LRP1: variants seen among roughly 807,000 people sequenced by gnomAD.
LRP1 encodes the protein LDL receptor related protein 1.
A neutral mutation model predicts 541.5 loss-of-function variants in LRP1; 51 were observed. That is an observed-to-expected ratio of 0.09 (90% CI 0.08 to 0.12). The LOEUF (loss-of-function observed/expected upper bound fraction) is 0.12, where lower values mean the gene tolerates loss of function less well. Ranked by LOEUF, LRP1 falls within the 10% of genes least tolerant of loss-of-function variation. The probability of loss-of-function intolerance (pLI) is 1.00; values close to 1 mark genes in which losing one functional copy is unlikely to be tolerated. For missense variants in LRP1, 3,878 were observed against 6,376.2 expected, an observed-to-expected ratio of 0.61 and a Z score of 13.34; for synonymous variants, 2,219 against 2,470.8, an observed-to-expected ratio of 0.90 and a Z score of 3.02.
intron 8 of LRP1, chr12:57,155,031 G>A (rs1359645688): frequency 3.5e-6 from 2 of 564,592 alleles, no homozygotes; most frequent in African/African-American, 3.7e-5. Flanking sequence ...AAGAGGTTAG[G>A]TGATTTGCCT....
At chr12:57,161,770 G>T (rs1403636307) in intron 13 of LRP1, among the ~76,000 whole-genome samples, 1 of 151,460 alleles carries the variant, frequency 6.6e-6, no homozygotes, top group Non-Finnish European at 1.5e-5. Flanking sequence ...AGACTGCTCA[G>T]GGGCTACCTC....
chr12:57,179,711 G>T lies in LRP1; in HGVS notation c.4967-71G>T. On this transcript the variant is annotated intron_variant, in intron 29 of 88. Coordinates refer to ENST00000243077, the MANE Select transcript of LRP1 (RefSeq NM_002332.3). The surrounding 1 kb of genome is among the most constrained non-coding windows in gnomAD (Gnocchi z 6.8). ...TTTCCTGATCCCTTTTCTCCAGAAG[G>T]CACACTGGCTCCCCTCCTGACCCAC... 1.3e-6 allele frequency: 2 copies of T among 1,490,004 alleles called. No individual in the cohort carries two copies. The highest frequency in any genetic ancestry group is 1.2e-5 in the South Asian group (1 of 83,630). 92.3% of individuals were successfully genotyped at this position (1,490,004 alleles called of 1,614,324 possible).
At position 57,211,454 on chromosome 12, in the gene LRP1, G is replaced by T. The variant is rs779901734; in HGVS notation, c.13092-33G>T. 3 of 1,610,504 alleles carry T rather than the reference G, an allele frequency of 1.9e-6. No individual in the cohort carries two copies. Among genetic ancestry groups the T allele is most frequent in the South Asian group, 2.2e-5 (2 of 91,024 alleles). On this transcript the variant is annotated intron_variant, in intron 84 of 88. Coordinates refer to ENST00000243077, the MANE Select transcript of LRP1 (RefSeq NM_002332.3). This position sits in a 1 kb window ranked among gnomAD's most constrained non-coding sequence, Gnocchi z 4.3. ...CAGCATCCCAGGCACGCCTCTGCCA[G>T]CCCCAGCCCCAGCCTCTGATTCCTT...
At chr12:57,142,080 G>A (rs560083123) in intron 3 of LRP1, among the ~76,000 whole-genome samples, 1 of 152,238 alleles carries the variant, frequency 6.6e-6, no homozygotes, top group Admixed American at 6.5e-5. Flanking sequence ...GCCGAGGTGG[G>A]AACATTAGGA....
In LRP1 at chr12:57,194,479, T is replaced by C; in HGVS notation, c.8044T>C (p.Tyr2682His). The C allele has an allele frequency of 6.3e-7, 1 of 1,597,848 alleles. No individual in the cohort carries two copies. Among genetic ancestry groups the C allele is most frequent in the Non-Finnish European group, 8.5e-7 (1 of 1,172,246 alleles). ...TGATGGCGCCAATGACTGTGGGGACTACAGTGATGAGCGCGACTGCCCAGG... is the reference window on the plus strand; with the variant it reads ...TGATGGCGCCAATGACTGTGGGGACCACAGTGATGAGCGCGACTGCCCAGG... ...VCDGANDCGD[Y>H]SDERDCPGVK... The change falls in exon 49 of 89, where the codon TAC (tyrosine) becomes CAC (histidine). Residue 2682 changes from tyrosine to histidine, a missense_variant. Around this residue, in one of 13 missense-constraint regions of LRP1, gnomAD observed 1,100 missense variants for 1,827.4 expected, o/e 0.60. Coordinates refer to ENST00000243077, the MANE Select transcript of LRP1 (RefSeq NM_002332.3).
chr12:57,191,409 G>A lies in LRP1; in HGVS notation c.7326G>A (p.Val2442=). The change falls in exon 44 of 89, where the codon GTG becomes GTA. Residue 2442 remains valine (V), a synonymous_variant. Coordinates refer to ENST00000243077, the MANE Select transcript of LRP1 (RefSeq NM_002332.3). ...IFWTDWVRRA[V]QRANKHVGSN... is the part of the protein sequence containing the mutation. ...GGACTGACTGGGTGCGGCGGGCAGT[G>A]CAGCGGGCCAACAAGCACGTGGGCA... 6.2e-7 allele frequency: 1 copy of A among 1,613,424 alleles called. No homozygotes were observed. Among genetic ancestry groups the A allele is most frequent in the Non-Finnish European group, 8.5e-7 (1 of 1,179,570 alleles).
rs574238888 is a variant in LRP1, at chr12:57,166,945, C to G, written c.2813C>G (p.Pro938Arg). 14 of 1,613,456 alleles carry G rather than the reference C, an allele frequency of 8.7e-6. No homozygotes were observed. Among genetic ancestry groups the G allele is most frequent in the South Asian group, 1.1e-5 (1 of 91,068 alleles). ...NATCSARTCP[P>R]NQFSCASGRC... Reference sequence around the variant, plus strand: ...TGCCCCCCAGCCCGCACCTGCCCCCCCAACCAGTTCTCCTGTGCCAGTGGC... The same window carrying G: ...TGCCCCCCAGCCCGCACCTGCCCCCGCAACCAGTTCTCCTGTGCCAGTGGC... Residue 938 changes from proline to arginine, a missense_variant, in exon 18 of 89, where the codon CCC (proline) becomes CGC (arginine). Physicochemically the swap from Pro to Arg is moderately radical, Grantham distance 103. Around this residue, in one of 13 missense-constraint regions of LRP1, gnomAD observed 29 missense variants for 20.7 expected, o/e 1.40. Coordinates refer to ENST00000243077, the MANE Select transcript of LRP1 (RefSeq NM_002332.3).
Position 57,162,180 on chromosome 12 carries a change from TG to T in LRP1, c.2203-133del. The T allele has an allele frequency of 1.3e-6, 1 of 756,180 alleles. No homozygotes were observed. Among genetic ancestry groups the T allele is most frequent in the Non-Finnish European group, 2.3e-6 (1 of 434,818 alleles). The allele number at this position is 756,180 out of a possible 1,614,324, so 46.8% of individuals were successfully genotyped here. On this transcript the variant is annotated intron_variant, in intron 13 of 88. Coordinates refer to ENST00000243077, the MANE Select transcript of LRP1 (RefSeq NM_002332.3). The surrounding 1 kb of genome is among the most constrained non-coding windows in gnomAD (Gnocchi z 5.2). ...CACTGTGTGCAAAACTATCACTCTC[TG>T]GGGCTCCCAGGCTAATGGGGGAAAC...
rs1140648 is a variant in LRP1 at position 57,199,318 on chromosome 12, G to C, written c.9783G>C (p.Thr3261=). The C allele has an allele frequency of 1.2e-6, 2 of 1,613,374 alleles. No individual in the cohort carries two copies. The highest frequency in any genetic ancestry group is 1.3e-5 in the African/African-American group (1 of 74,870). The change falls in exon 61 of 89, where the codon ACG becomes ACC. Residue 3261 remains threonine (T), a synonymous_variant. Coordinates refer to ENST00000243077, the MANE Select transcript of LRP1 (RefSeq NM_002332.3). ...CCATTAACCGAGCCCACAAGACCACGGGCACCAACAAAACGCTCCTCATCA... is the reference window on the plus strand; with the variant it reads ...CCATTAACCGAGCCCACAAGACCACCGGCACCAACAAAACGCTCCTCATCA... The part of the protein sequence containing the change: ...TKSINRAHKT[T]GTNKTLLIST...
At chr12:57,194,170 C>T (rs1343931341) in intron 48 of LRP1, among the ~76,000 whole-genome samples, 158 bp downstream of exon 48, 4 of 152,224 alleles carry the variant, frequency 2.6e-5, no homozygotes, top group Admixed American at 6.5e-5. Context: ...CCATCCCGCT[C>T]CTGCTCCTGG....
intron 19 of LRP1, among the ~76,000 whole-genome samples, chr12:57,168,670 C>T (rs987173045): frequency 6.6e-6 from 1 of 152,114 alleles, no homozygotes; most frequent in African/African-American, 2.4e-5. Context: ...TCTTGCCAGC[C>T]ACAGGCAGGG....
Position 57,185,331 on chromosome 12 carries a change from G to A in LRP1, c.6463+126G>A, listed in dbSNP as rs956230556. ...TAGACCCATGGGGCAACTTCCGATG[G>A]CCCGAGAGACCCAGGGATGGGGAGG... is the stretch of plus-strand genomic sequence containing the variant. On this transcript the variant is annotated intron_variant, in intron 40 of 88. Transcript: ENST00000243077. The surrounding 1 kb of genome is among the most constrained non-coding windows in gnomAD (Gnocchi z 4.9). 11 of 1,422,048 alleles carry A rather than the reference G, an allele frequency of 7.7e-6. No homozygotes were observed. The highest frequency in any genetic ancestry group is 4.0e-5 in the South Asian group (3 of 74,500). 88.1% of individuals were successfully genotyped at this position (1,422,048 alleles called of 1,614,324 possible).
In LRP1 at chr12:57,187,240, C is replaced by T. The variant is rs376485801; in HGVS notation, c.6842-27C>T. ...CAGGCTGCCCTCTGGGCCCTCCTGA[C>T]AAATCGCTGCTCCTGTCTCTTCACA... On this transcript the variant is annotated intron_variant, in intron 41 of 88. Transcript: ENST00000243077. The T allele has an allele frequency of 3.8e-6, 6 of 1,598,108 alleles. No homozygotes were observed. The East Asian group carries it at 8.9e-5, about 24-fold the overall frequency.
chr12:57,171,508 C>T (rs886655467), intron 20 of LRP1, among the ~76,000 whole-genome samples: 1 of 152,110 alleles, frequency 6.6e-6, no homozygotes, highest in African/African-American at 2.4e-5. Flanking sequence ...ATGAGGCTGT[C>T]CTCAAAGGGG....
In LRP1 at chr12:57,173,091, G is replaced by C. The variant is rs1486864167; in HGVS notation, c.3164-77G>C. ...CATATCCCCAGGCTGGGCTTACCGG[G>C]GTGGCAGGGCACAGGGATGAGGAGG... On this transcript the variant is annotated intron_variant, in intron 20 of 88. Transcript: ENST00000243077. This position sits in a 1 kb window ranked among gnomAD's most constrained non-coding sequence, Gnocchi z 4.7. The C allele has an allele frequency of 7.9e-7, 1 of 1,268,034 alleles. No individual in the cohort carries two copies. The highest frequency in any genetic ancestry group is 1.1e-6 in the Non-Finnish European group (1 of 916,738). The allele number at this position is 1,268,034 out of a possible 1,614,324, so 78.5% of individuals were successfully genotyped here. A position where few individuals can be genotyped will look rare whatever the true frequency, so the allele number is the denominator to read the frequency against.
intron 31 of LRP1, 44 bp downstream of exon 31, chr12:57,180,185 T>C: frequency 1.3e-6 from 2 of 1,593,594 alleles, no homozygotes; most frequent in Non-Finnish European, 1.7e-6. Context: ...CCCTAATTCC[T>C]TGACCAGCAG....
Position 57,154,949 on chromosome 12 carries a change from C to G in LRP1, c.1227+248C>G. The stretch of plus-strand genomic sequence containing the variant: ...TTTACTTCCTGTTTCTCATTTGACC[C>G]TTATAATAACCCCTAGCTGATGAAC... On this transcript the variant is annotated intron_variant, in intron 8 of 88. Coordinates refer to ENST00000243077, the MANE Select transcript of LRP1 (RefSeq NM_002332.3). This position sits in a 1 kb window ranked among gnomAD's most constrained non-coding sequence, Gnocchi z 4.6. 1 of 601,066 alleles carries G rather than the reference C, an allele frequency of 1.7e-6. No individual in the cohort carries two copies. The highest frequency in any genetic ancestry group is 2.7e-5 in the East Asian group (1 of 36,378). The allele number at this position is 601,066 out of a possible 1,614,324, so 37.2% of individuals were successfully genotyped here.
intron 17 of LRP1, chr12:57,166,412 A>G (rs2035840962): frequency 4.8e-6 from 3 of 624,410 alleles, no homozygotes; most frequent in Admixed American, 6.5e-5. Flanking sequence ...ATTTAAAAAA[A>G]CTGCCGGGCG....
At chr12:57,190,484 GCCAGGGCTGGAACC>G (rs912547127) in intron 42 of LRP1, among the ~76,000 whole-genome samples, 2 of 152,364 alleles carry the variant, frequency 1.3e-5, no homozygotes. Context: ...GGGTGGTGGA[GCCAGGGCTGGAACC>G]CCAGGGCCTG....
Sources: gnomAD v4.1 joint callset for allele counts (sites outside exome capture counted in the v4.1 genomes callset) on GRCh38, gnomAD v4.1.1 for gene constraint, gnomAD v4.1.1 regional missense constraint, Gnocchi (gnomAD v3.1) non-coding constraint, MANE v1.5 for transcripts, NCBI Gene and HGNC (gene_info 2026-07-23, HGNC 2026-07-21) for gene names.